The following RBKS variants were observed in gnomAD, a reference collection of about 807,000 sequenced individuals.
RBKS encodes the protein ribokinase.
Under a neutral mutation model 33.9 loss-of-function variants are expected in RBKS, and 33 were observed. The observed-to-expected ratio is 0.97, with a 90% confidence interval of 0.74 to 1.30. The LOEUF (loss-of-function observed/expected upper bound fraction) is 1.30. Ranked by LOEUF, RBKS falls within the 50% of genes most tolerant of loss-of-function variation. The pLI is 0.00. For synonymous variants in RBKS, 125 were observed against 143.0 expected, an observed-to-expected ratio of 0.87 and a Z score of 0.90; for missense variants, 361 against 392.6, an observed-to-expected ratio of 0.92 and a Z score of 0.68.
At chr2:27,816,030 G>C (rs996842326) in intron 7 of RBKS, among the ~76,000 whole-genome samples, 1 of 152,182 alleles carries the variant, frequency 6.6e-6, no homozygotes, top group Admixed American at 6.5e-5. Context: ...CCCCTAAGCT[G>C]TCAGGCGGTA....
intron 7 of RBKS, among the ~76,000 whole-genome samples, chr2:27,792,357 A>T (rs1677546504): frequency 6.6e-6 from 1 of 152,226 alleles, no homozygotes; most frequent in Non-Finnish European, 1.5e-5. Context: ...TTATATATAA[A>T]ATGAAGTTAT....
chr2:27,789,400 C>CTT (rs569506674), intron 7 of RBKS, among the ~76,000 whole-genome samples: 1,771 of 130,240 alleles, frequency 0.014, 46 homozygotes, highest in African/African-American at 0.047. Context: ...GATTTTGAAG[C>CTT]TTTTTTTTTT....
chr2:27,832,507 T>C (rs754809967), intron 6 of RBKS, among the ~76,000 whole-genome samples, 179 bp downstream of exon 6: 1 of 152,072 alleles, frequency 6.6e-6, no homozygotes, highest in African/African-American at 2.4e-5. Context: ...AATCCTTTTT[T>C]CCCCCCTAGG....
intron 7 of RBKS, among the ~76,000 whole-genome samples, chr2:27,817,997 A>G (rs1678130755): frequency 6.6e-6 from 1 of 152,154 alleles, no homozygotes; most frequent in Non-Finnish European, 1.5e-5. Flanking sequence ...CTATATCACC[A>G]CGTGGTCCTG....
chr2:27,883,190 C>T (rs1046670465), intron 1 of RBKS, among the ~76,000 whole-genome samples: 2 of 151,524 alleles, frequency 1.3e-5, no homozygotes, highest in Non-Finnish European at 2.9e-5. Flanking sequence ...GTTTTCCTAA[C>T]TGCAGTATTC....
intron 7 of RBKS, among the ~76,000 whole-genome samples, chr2:27,823,996 A>G (rs537056507): frequency 1.3e-5 from 2 of 152,182 alleles, no homozygotes; most frequent in African/African-American, 4.8e-5. Flanking sequence ...ATTCCAGAAC[A>G]TTTTCATCAC....
chr2:27,853,800 A>G (rs974188163), intron 2 of RBKS, among the ~76,000 whole-genome samples: 1 of 152,202 alleles, frequency 6.6e-6, no homozygotes, highest in Non-Finnish European at 1.5e-5. Flanking sequence ...CAAGGTTTAT[A>G]TTATTTGCTT....
intron 7 of RBKS, among the ~76,000 whole-genome samples, chr2:27,823,813 C>T (rs1360437018): frequency 6.6e-6 from 1 of 152,170 alleles, no homozygotes; most frequent in Non-Finnish European, 1.5e-5. Context: ...TTCAGCAGGG[C>T]AATTCAGTGG....
At chr2:27,788,572 T>G (rs888954719) in intron 7 of RBKS, among the ~76,000 whole-genome samples, 7 of 152,132 alleles carry the variant, frequency 4.6e-5, no homozygotes, top group African/African-American at 1.7e-4. Flanking sequence ...CTGGGCATGG[T>G]GGCAGGCACC....
In RBKS at chr2:27,801,950, GAAA is replaced by G. The variant is rs1217494223; in HGVS notation, c.796-20165_796-20163del. 7.6e-3 allele frequency among the ~76,000 whole-genome samples: 309 copies of G among 40,446 alleles called. 3 individuals are homozygous for G. Among genetic ancestry groups the G allele is most frequent in the African/African-American group, 0.016 (140 of 8,562 alleles). 26.5% of individuals were successfully genotyped at this position (40,446 alleles called of 152,430 possible). ...TGTCTCAGTTTCCCGAGTAGCTGGG[GAAA>G]AAAAAAAAAAATATATATATATATA... is the stretch of plus-strand genomic sequence containing the variant. On this transcript the variant is annotated intron_variant, in intron 7 of 7. Coordinates refer to ENST00000302188, the MANE Select transcript of RBKS (RefSeq NM_022128.3).
chr2:27,844,819 A>G (rs1445986397), intron 4 of RBKS, among the ~76,000 whole-genome samples: 1 of 152,218 alleles, frequency 6.6e-6, no homozygotes, highest in African/African-American at 2.4e-5. Flanking sequence ...TAGACAATTT[A>G]AAATTCCACA....
intron 1 of RBKS, among the ~76,000 whole-genome samples, chr2:27,880,698 C>T (rs1225400599): frequency 2.6e-5 from 4 of 152,114 alleles, no homozygotes; most frequent in Non-Finnish European, 5.9e-5. Flanking sequence ...CCTAGAAATA[C>T]AGCTATCCAG....
At chr2:27,888,498 C>G (rs1381910196) in intron 1 of RBKS, among the ~76,000 whole-genome samples, 1 of 152,130 alleles carries the variant, frequency 6.6e-6, no homozygotes, top group Non-Finnish European at 1.5e-5. Flanking sequence ...GGTGGATTTC[C>G]CATGGAATGA....
chr2:27,887,647 G>A (rs770237238), intron 1 of RBKS, among the ~76,000 whole-genome samples: 2 of 152,112 alleles, frequency 1.3e-5, no homozygotes, highest in Non-Finnish European at 2.9e-5. Context: ...TGGGAATACA[G>A]TTTTTACTAA....
chr2:27,800,950 G>A (rs1454924832), intron 7 of RBKS, among the ~76,000 whole-genome samples: 2 of 152,204 alleles, frequency 1.3e-5, no homozygotes, highest in South Asian at 2.1e-4. Flanking sequence ...TGAGAGAGGC[G>A]TCTGGACAGA....
intron 1 of RBKS, among the ~76,000 whole-genome samples, chr2:27,889,727 G>A (rs567020679): frequency 6.6e-6 from 1 of 152,282 alleles, no homozygotes; most frequent in African/African-American, 2.4e-5. Flanking sequence ...CAGTAATGCC[G>A]ACAATCAACA....
chr2:27,884,053 C>T (rs896852020), intron 1 of RBKS, among the ~76,000 whole-genome samples: 1 of 152,102 alleles, frequency 6.6e-6, no homozygotes, highest in Admixed American at 6.5e-5. Flanking sequence ...TATTATATTC[C>T]TCGAATACTG....
At chr2:27,881,411 T>A (rs1259168748) in intron 1 of RBKS, among the ~76,000 whole-genome samples, 1 of 151,812 alleles carries the variant, frequency 6.6e-6, no homozygotes, top group Admixed American at 6.6e-5. Context: ...CGTAGTGGTG[T>A]GGGCCTGTAG....
intron 7 of RBKS, among the ~76,000 whole-genome samples, chr2:27,787,418 G>C (rs1461963183): frequency 6.6e-6 from 1 of 152,190 alleles, no homozygotes; most frequent in Non-Finnish European, 1.5e-5. Context: ...GGGCGAAAGA[G>C]TGAGATCCTG....
Sources: gnomAD v4.1 joint callset for allele counts (sites outside exome capture counted in the v4.1 genomes callset) on GRCh38, gnomAD v4.1.1 for gene constraint, MANE v1.5 for transcripts, NCBI Gene and HGNC (gene_info 2026-07-23, HGNC 2026-07-21) for gene names.